Variants in RCC1L observed in about 807,000 individuals in gnomAD.
The protein encoded by RCC1L is RCC1 like, also known as RCC1-like G exchanging factor-like protein.
In RCC1L, 46 loss-of-function variants were observed where a neutral mutation model predicts 58.6. The ratio of observed to expected loss-of-function variants is 0.79; its 90% confidence interval spans 0.62 to 1.00. The LOEUF (loss-of-function observed/expected upper bound fraction) is 1.00. RCC1L is among the 50% of genes least tolerant of loss of function. The pLI is 0.00. For missense variants in RCC1L, 636 were observed against 623.6 expected (o/e 1.02, Z -0.21); for synonymous variants, 281 against 262.9 (o/e 1.07, Z -0.67).
chr7:75,071,640 AAAAAC>A (rs587630523), intron 1 of RCC1L, among the ~76,000 whole-genome samples: 50 of 152,208 alleles, frequency 3.3e-4, no homozygotes, highest in African/African-American at 8.2e-4. Context: ...ACTCTGTCTC[AAAAAC>A]AAAACAAAAC....
At chr7:75,061,312 AG>A (rs1806271982) in intron 5 of RCC1L, 21 bp from the exon 6 acceptor site, 5 of 1,608,952 alleles carry the variant, frequency 3.1e-6, no homozygotes, top group African/African-American at 1.3e-5. Context: ...AACAGAGGTA[AG>A]GGGGATGAGA....
At chr7:75,041,193 G>A (rs587709747), downstream of RCC1L, among the ~76,000 whole-genome samples, 746 of 149,964 alleles carry the variant, frequency 5.0e-3, 8 homozygotes, top group South Asian at 0.029. Flanking sequence ...CAGCCTGGGC[G>A]ACAGAGCGAG....
At chr7:75,051,840 T>C (rs1258343430) in intron 10 of RCC1L, among the ~76,000 whole-genome samples, 3 of 152,098 alleles carry the variant, frequency 2.0e-5, no homozygotes, top group Non-Finnish European at 4.4e-5. Flanking sequence ...AAAGCACGCA[T>C]GCACACCAGT....
chr7:75,063,259 C>G lies in RCC1L; in HGVS notation c.702+33G>C, dbSNP rs1554444665. The G allele has an allele frequency of 1.1e-4, 170 of 1,613,736 alleles. No homozygotes were observed. The African/African-American group carries it at 2.1e-3, about 20-fold the overall frequency. ...CAACTTTTCAAAAGCACCCCAGGAACACAACAAGCAGCTCTCGGCCCATCT... is the reference window on the plus strand; with the variant it reads ...CAACTTTTCAAAAGCACCCCAGGAAGACAACAAGCAGCTCTCGGCCCATCT... On this transcript the variant is annotated intron_variant, in intron 5 of 10. Coordinates refer to ENST00000610322, the MANE Select transcript of RCC1L (RefSeq NM_030798.5).
intron 9 of RCC1L, among the ~76,000 whole-genome samples, chr7:75,054,544 T>G (rs1279415108): frequency 6.6e-6 from 1 of 152,234 alleles, no homozygotes; most frequent in Non-Finnish European, 1.5e-5. Flanking sequence ...AAGAACTTTC[T>G]GGAAAGTAGA....
rs1554445158 is a variant in RCC1L at position 75,066,632 on chromosome 7, C to G, written c.583+32G>C. ...AGTTCACAGTGAAATGGTCCCTGCACTCTTCCATCACCCTTCAATAGGTCA... is the reference window on the plus strand; with the variant it reads ...AGTTCACAGTGAAATGGTCCCTGCAGTCTTCCATCACCCTTCAATAGGTCA... On this transcript the variant is annotated intron_variant, in intron 3 of 10. Coordinates refer to ENST00000610322, the MANE Select transcript of RCC1L (RefSeq NM_030798.5). 2.5e-6 allele frequency: 4 copies of G among 1,607,914 alleles called. No individual in the cohort carries two copies. In the Admixed American group the frequency reaches 6.7e-5, roughly 27 times the overall value.
rs1212608729 is a variant in RCC1L at position 75,072,155 on chromosome 7, C to CATATATATAT, written c.324+1258_324+1259insATATATATAT. Among the ~76,000 whole-genome samples, 204 of 47,970 alleles carry CATATATATAT rather than the reference C, an allele frequency of 4.3e-3. 7 individuals carry two copies. Among genetic ancestry groups the CATATATATAT allele is most frequent in the East Asian group, 0.011 (9 of 840 alleles). 31.5% of individuals were successfully genotyped at this position (47,970 alleles called of 152,430 possible). ...TTTTAAATTTATACATATACATATA[C>CATATATATAT]ATATACATATATATATATATATATA... is the stretch of plus-strand genomic sequence containing the variant. On this transcript the variant is annotated intron_variant, in intron 1 of 10. Coordinates refer to ENST00000610322, the MANE Select transcript of RCC1L (RefSeq NM_030798.5).
chr7:75,055,618 C>T (rs1158338806), intron 9 of RCC1L: 14 of 455,004 alleles, frequency 3.1e-5, no homozygotes, highest in Non-Finnish European at 3.7e-5. Flanking sequence ...ACTAGCAATG[C>T]CCCTTCCTAC....
chr7:75,029,627 A>G (rs1805244859), intron 10 of RCC1L, among the ~76,000 whole-genome samples: 1 of 152,046 alleles, frequency 6.6e-6, no homozygotes, highest in African/African-American at 2.4e-5. Context: ...TACAGGCATG[A>G]GATACCCCGC....
chr7:75,055,429 A>G (rs1242385938), intron 9 of RCC1L: 1 of 191,994 alleles, frequency 5.2e-6, no homozygotes, highest in African/African-American at 2.4e-5. Flanking sequence ...AAATCGGTAG[A>G]TTTACCTCCG....
intron 8 of RCC1L, chr7:75,056,464 A>G: frequency 7.0e-7 from 1 of 1,425,062 alleles, no homozygotes; most frequent in Non-Finnish European, 9.2e-7. Context: ...CAGAAGGCCA[A>G]ACACATCAAC....
intron 10 of RCC1L, among the ~76,000 whole-genome samples, chr7:75,030,694 T>C (rs1169438681): frequency 2.0e-5 from 3 of 151,968 alleles, no homozygotes; most frequent in African/African-American, 7.3e-5. Context: ...GAGCAAGAGA[T>C]TCAAGGGCCC....
At chr7:75,031,508 A>C (rs1805304462) in intron 10 of RCC1L, among the ~76,000 whole-genome samples, 1 of 144,048 alleles carries the variant, frequency 6.9e-6, no homozygotes, top group Non-Finnish European at 1.5e-5. Context: ...GTAAAGTGTT[A>C]ATTAAAATGA....
chr7:75,043,052 G>C lies in RCC1L; in HGVS notation c.1375C>G (p.Leu459Val). 1.6e-5 allele frequency: 26 copies of C among 1,614,044 alleles called. No homozygotes were observed. The highest frequency in any genetic ancestry group is 2.2e-5 in the Non-Finnish European group (26 of 1,179,876). ...GAGGTTTAGATGAATGACTTGGCCA[G>C]GGTCACCATGTGGTCCACGCCACAT... ...VACGVDHMVT[L>V]AKSFI is the part of the protein sequence containing the mutation. The change falls in exon 11 of 11, where the codon CTG becomes GTG. Residue 459 changes from leucine (L) to valine (V), a missense_variant. Coordinates refer to ENST00000610322, the MANE Select transcript of RCC1L (RefSeq NM_030798.5).
At position 75,058,759 on chromosome 7, in the gene RCC1L, G is replaced by A. The variant is rs1389177521; in HGVS notation, c.798C>T (p.His266=). 1.2e-6 allele frequency: 2 copies of A among 1,613,858 alleles called. No homozygotes were observed. Among genetic ancestry groups the A allele is most frequent in the Non-Finnish European group, 1.7e-6 (2 of 1,179,850 alleles). Residue 266 remains histidine, a synonymous_variant, in exon 7 of 11, where the codon CAC becomes CAT. Transcript: ENST00000610322. The stretch of plus-strand genomic sequence containing the variant: ...TGGTGGGCGAGCTGGTGATATTGTA[G>A]TGACCCAGACCTAACACAGTGGAAA... ...WGADGQTGLG[H]YNITSSPTKL...
intron 8 of RCC1L, among the ~76,000 whole-genome samples, chr7:75,056,959 C>T (rs1387962827): frequency 2.0e-5 from 3 of 152,072 alleles, no homozygotes; most frequent in Non-Finnish European, 4.4e-5. Context: ...TACAGGTGTG[C>T]ACCACCATGC....
chr7:75,052,681 C>T (rs1554443478), intron 10 of RCC1L, 30 bp downstream of exon 10: 1 of 1,590,104 alleles, frequency 6.3e-7, no homozygotes, highest in Non-Finnish European at 8.6e-7. Context: ...TCTTAGCATC[C>T]ATTCTCAAGA....
At chr7:75,029,943 A>G (rs1437829475) in intron 10 of RCC1L, among the ~76,000 whole-genome samples, 1 of 152,196 alleles carries the variant, frequency 6.6e-6, no homozygotes, top group Non-Finnish European at 1.5e-5. Context: ...GGATAGCTTG[A>G]GGCCAAGATA....
chr7:75,056,173 C>G, intron 8 of RCC1L, 99 bp from the exon 9 acceptor site: 2 of 1,405,468 alleles, frequency 1.4e-6, no homozygotes, highest in Non-Finnish European at 2.0e-6. Flanking sequence ...GACATCCACA[C>G]GGTTTTTTTT....
Sources: allele counts gnomAD v4.1 joint callset (sites outside exome capture counted in the v4.1 genomes callset), GRCh38; gene constraint gnomAD v4.1.1; transcripts MANE v1.5; gene names NCBI Gene and HGNC (gene_info 2026-07-23, HGNC 2026-07-21).